Variants in MIGA1 observed in about 807,000 individuals in gnomAD.
MIGA1 encodes the protein mitoguardin 1, also known as family with sequence similarity 73, member A.
A neutral mutation model predicts 82.0 loss-of-function variants in MIGA1; 58 were observed. The ratio of observed to expected loss-of-function variants is 0.71; its 90% CI spans 0.57 to 0.88. The LOEUF (loss-of-function observed/expected upper bound fraction) is 0.88, where lower values mean the gene tolerates loss of function less well. Among genes scored for constraint, MIGA1 ranks in the 40% least tolerant of loss-of-function variants. The pLI, the probability that MIGA1 is intolerant of heterozygous loss-of-function variation, is 0.00. For synonymous variants in MIGA1, 249 were observed against 253.6 expected (o/e 0.98, Z 0.17); for missense variants, 751 against 749.1 (o/e 1.00, Z -0.03).
chr1:77,864,087 G>C, intron 13 of MIGA1, 59 bp downstream of exon 13: 1 of 1,559,068 alleles, frequency 6.4e-7, no homozygotes, highest in South Asian at 1.2e-5. Context: ...GAGGCTGGGC[G>C]CAGTAGCTCA....
chr1:77,821,383 G>A (rs1683801199), intron 7 of MIGA1, among the ~76,000 whole-genome samples: 3 of 150,246 alleles, frequency 2.0e-5, no homozygotes, highest in South Asian at 4.2e-4. Flanking sequence ...TTGTTAAATA[G>A]TTTTAGATTT....
intron 8 of MIGA1, among the ~76,000 whole-genome samples, chr1:77,844,113 A>AAAAATATATATAT (rs1296124524): frequency 6.7e-5 from 6 of 90,132 alleles, no homozygotes; most frequent in African/African-American, 1.8e-4. Flanking sequence ...AAAAAAAAAA[A>AAAAATATATATAT]ATATATATAT....
At chr1:77,788,599 T>G (rs1682276543) in intron 2 of MIGA1, among the ~76,000 whole-genome samples, 1 of 152,226 alleles carries the variant, frequency 6.6e-6, no homozygotes, top group African/African-American at 2.4e-5. Context: ...CTTAGGGTTT[T>G]AGGACTTATA....
intron 8 of MIGA1, among the ~76,000 whole-genome samples, chr1:77,846,405 A>G (rs1191981082): frequency 6.6e-6 from 1 of 152,150 alleles, no homozygotes. Flanking sequence ...TTTTAGCTGT[A>G]GATTCCATTT....
chr1:77,836,623 A>G (rs1330747663), intron 7 of MIGA1, among the ~76,000 whole-genome samples: 1 of 152,186 alleles, frequency 6.6e-6, no homozygotes, highest in Non-Finnish European at 1.5e-5. Context: ...TAACTTTTGC[A>G]ACAACTCTAG....
chr1:77,874,912 A>C lies in MIGA1; in HGVS notation c.1747A>C (p.Thr583Pro). Residue 583 changes from threonine (T) to proline (P), a missense_variant, in exon 16 of 16, where the codon ACT (threonine) becomes CCT (proline). Transcript: ENST00000370791. Reference sequence around the variant, plus strand: ...GAAGGTGCGCTATTCAAGTACAGAGACTTTAGCTGAAGACCTCATGCAGTT... The same window carrying C: ...GAAGGTGCGCTATTCAAGTACAGAGCCTTTAGCTGAAGACCTCATGCAGTT... 1 of 1,614,128 alleles carries C rather than the reference A, an allele frequency of 6.2e-7. No individual in the cohort carries two copies. Among genetic ancestry groups the C allele is most frequent in the Non-Finnish European group, 8.5e-7 (1 of 1,180,012 alleles).
intron 14 of MIGA1, among the ~76,000 whole-genome samples, chr1:77,869,720 G>A (rs1377992888): frequency 3.6e-5 from 4 of 111,506 alleles, no homozygotes; most frequent in Admixed American, 8.0e-5. Flanking sequence ...CCTCCCTCCC[G>A]GACAGGGCGG....
chr1:77,866,757 C>T (rs1158669566), intron 14 of MIGA1, among the ~76,000 whole-genome samples: 2 of 149,186 alleles, frequency 1.3e-5, no homozygotes, highest in African/African-American at 5.0e-5. Flanking sequence ...GATCCTGGCT[C>T]ACTGCAATCT....
intron 4 of MIGA1, among the ~76,000 whole-genome samples, chr1:77,806,098 T>C (rs1214024727): frequency 6.6e-6 from 1 of 152,186 alleles, no homozygotes; most frequent in Non-Finnish European, 1.5e-5. Flanking sequence ...AATACCACCC[T>C]AATTAATTAG....
At chr1:77,852,129 C>A (rs547499972) in intron 8 of MIGA1, among the ~76,000 whole-genome samples, 6 of 152,076 alleles carry the variant, frequency 3.9e-5, no homozygotes, top group Non-Finnish European at 1.5e-5. Flanking sequence ...AAGTGATCTG[C>A]GCACGTCAAC....
chr1:77,848,571 C>G, intron 8 of MIGA1: 1 of 1,350,108 alleles, frequency 7.4e-7, no homozygotes, highest in Non-Finnish European at 1.0e-6. Context: ...TGACAAAAGA[C>G]AAAGAAGGAA....
rs763493007 is a variant in MIGA1, at chr1:77,874,969, T to C, written c.1804T>C (p.Tyr602His). Residue 602 changes from tyrosine (Y) to histidine (H), a missense_variant, in exon 16 of 16, where the codon TAT becomes CAT. Transcript: ENST00000370791. The stretch of plus-strand genomic sequence containing the variant: ...TCGCCGCACTGAGCTTTTAATGGCC[T>C]ATCTTGAAGCAGATGCCCTGAGGCA... 6.2e-7 allele frequency: 1 copy of C among 1,614,082 alleles called. No homozygotes were observed.
chr1:77,810,863 A>G, intron 5 of MIGA1: 1 of 1,611,004 alleles, frequency 6.2e-7, no homozygotes, highest in Non-Finnish European at 8.5e-7. Context: ...TGTCAGGATC[A>G]TTCCTTGTGC....
intron 8 of MIGA1, chr1:77,853,540 C>T: frequency 6.1e-6 from 1 of 162,958 alleles, no homozygotes; most frequent in South Asian, 1.6e-4. Flanking sequence ...ACCAGCCTGG[C>T]CAACATAATG....
chr1:77,832,883 G>C (rs749654803), intron 7 of MIGA1, among the ~76,000 whole-genome samples: 2 of 152,130 alleles, frequency 1.3e-5, no homozygotes, highest in Non-Finnish European at 2.9e-5. Context: ...TTTTGTTGCT[G>C]CTCCTTTATA....
chr1:77,847,190 T>G, intron 8 of MIGA1: 1 of 1,303,050 alleles, frequency 7.7e-7, no homozygotes, highest in Non-Finnish European at 1.1e-6. Flanking sequence ...AAACCGTCAG[T>G]GTTTGGGAAT....
chr1:77,869,544 C>T (rs1404851642), intron 14 of MIGA1, among the ~76,000 whole-genome samples: 5 of 138,038 alleles, frequency 3.6e-5, no homozygotes, highest in Admixed American at 7.0e-5. Context: ...CCTCACCTCC[C>T]GGATGGGGCG....
chr1:77,811,574 A>G (rs1683329586), intron 5 of MIGA1: 3 of 1,611,862 alleles, frequency 1.9e-6, no homozygotes, highest in African/African-American at 2.7e-5. Flanking sequence ...CGCAATTCCA[A>G]GCATGTTGCA....
At chr1:77,838,201 T>A (rs983186896) in intron 7 of MIGA1, among the ~76,000 whole-genome samples, 1 of 152,226 alleles carries the variant, frequency 6.6e-6, no homozygotes, top group Admixed American at 6.5e-5. Context: ...CACATTCTTA[T>A]GTAACTATCA....
Sources: allele counts gnomAD v4.1 joint callset (sites outside exome capture counted in the v4.1 genomes callset), GRCh38; gene constraint gnomAD v4.1.1; transcripts MANE v1.5; gene names NCBI Gene and HGNC (gene_info 2026-07-23, HGNC 2026-07-21).